DLGAP2: variants seen among roughly 807,000 people sequenced by gnomAD.
The protein encoded by DLGAP2 is disks large-associated protein 2.
In DLGAP2, 26 loss-of-function variants were observed where a neutral mutation model predicts 100.3. The ratio of observed to expected loss-of-function variants is 0.26; its 90% confidence interval spans 0.19 to 0.36. The LOEUF (loss-of-function observed/expected upper bound fraction) is 0.36. DLGAP2 is among the 10% of genes least tolerant of loss of function. The probability of loss-of-function intolerance (pLI) is 1.00; values close to 1 mark genes in which losing one functional copy is unlikely to be tolerated. For missense variants in DLGAP2, 1,858 were observed against 1,453.2 expected (o/e 1.28, Z -4.53); for synonymous variants, 886 against 630.1 (o/e 1.41, Z -6.08).
intron 3 of DLGAP2, among the ~76,000 whole-genome samples, chr8:1,285,929 G>A (rs898230286): frequency 2.6e-5 from 4 of 152,224 alleles, no homozygotes; most frequent in Non-Finnish European, 5.9e-5. Flanking sequence ...CTGCCGTCTA[G>A]TCTGGGCAAC....
intron 1 of DLGAP2, among the ~76,000 whole-genome samples, chr8:807,644 T>C (rs28488448): frequency 2.7e-5 from 4 of 148,192 alleles, no homozygotes; most frequent in East Asian, 2.0e-4. Flanking sequence ...CTCATTCATA[T>C]GTTCTCTCTC....
chr8:1,084,459 C>G (rs1043169521), intron 2 of DLGAP2, among the ~76,000 whole-genome samples: 2 of 152,176 alleles, frequency 1.3e-5, no homozygotes, highest in Non-Finnish European at 1.5e-5. Context: ...ACTCAGCATG[C>G]CGTGCTATTG....
chr8:1,678,427 G>T lies in DLGAP2; in HGVS notation c.2502G>T (p.Arg834=). The change falls in exon 12 of 15, where the codon CGG becomes CGT. Residue 834 remains arginine, a synonymous_variant. Transcript: ENST00000637795. ...QGLFSYREDY[R]TQVDTSTLPP... ...TCTTCAGCTATAGAGAAGACTATCG[G>T]ACCCAAGTGGACACCTCCACCCTGC... 6.2e-7 allele frequency: 1 copy of T among 1,613,624 alleles called. No homozygotes were observed. Among genetic ancestry groups the T allele is most frequent in the South Asian group, 1.1e-5 (1 of 91,056 alleles).
chr8:928,817 C>G (rs1798876877), intron 2 of DLGAP2, among the ~76,000 whole-genome samples: 1 of 151,950 alleles, frequency 6.6e-6, no homozygotes, highest in Admixed American at 6.6e-5. Context: ...TGTTGCGAAG[C>G]CTGATTTCAC....
At chr8:1,335,454 C>T (rs753379468) in intron 3 of DLGAP2, among the ~76,000 whole-genome samples, 4 of 152,186 alleles carry the variant, frequency 2.6e-5, no homozygotes, top group South Asian at 2.1e-4. Flanking sequence ...CAAAACCAAA[C>T]GGGACAGTGT....
At chr8:1,442,706 AG>A (rs1170758401) in intron 3 of DLGAP2, among the ~76,000 whole-genome samples, 2 of 146,300 alleles carry the variant, frequency 1.4e-5, no homozygotes, top group East Asian at 4.1e-4. Flanking sequence ...CCACTGGAGG[AG>A]ACGGATCCGG....
chr8:1,034,823 C>T (rs13281782), intron 2 of DLGAP2, among the ~76,000 whole-genome samples: 378 of 1,254 alleles, frequency 0.3, 22 homozygotes, highest in Non-Finnish European at 0.34. Context: ...CTCATCCCGA[C>T]CCCGCGTGTC....
At chr8:1,515,888 G>A (rs1173631506) in intron 4 of DLGAP2, among the ~76,000 whole-genome samples, 1 of 152,230 alleles carries the variant, frequency 6.6e-6, no homozygotes, top group Non-Finnish European at 1.5e-5. Context: ...CTCACAGAGG[G>A]ATGGGCTTAT....
At chr8:1,697,017 C>A (rs1191090759) in intron 13 of DLGAP2, 130 bp from the exon 14 acceptor site, 26 of 1,006,674 alleles carry the variant, frequency 2.6e-5, no homozygotes, top group Non-Finnish European at 3.4e-5. Flanking sequence ...AAGTATCTGC[C>A]TCAGGCTGGA....
At chr8:1,228,177 T>C (rs1158923524) in intron 2 of DLGAP2, among the ~76,000 whole-genome samples, 6 of 142,006 alleles carry the variant, frequency 4.2e-5, no homozygotes, top group Non-Finnish European at 9.3e-5. Flanking sequence ...TGTATACATA[T>C]GTAACAAACC....
intron 14 of DLGAP2, among the ~76,000 whole-genome samples, chr8:1,697,644 T>C (rs1002388913): frequency 2.6e-5 from 4 of 152,238 alleles, no homozygotes; most frequent in Non-Finnish European, 2.9e-5. Flanking sequence ...GAATTATCTT[T>C]ATCAAACTTG....
chr8:1,112,422 A>G (rs1185571227), intron 2 of DLGAP2, among the ~76,000 whole-genome samples: 1 of 151,820 alleles, frequency 6.6e-6, no homozygotes, highest in Admixed American at 6.6e-5. Flanking sequence ...TTGTATTTTT[A>G]TTAGAGACAT....
chr8:1,522,397 G>T (rs1800636646), intron 4 of DLGAP2, among the ~76,000 whole-genome samples: 1 of 152,196 alleles, frequency 6.6e-6, no homozygotes, highest in Non-Finnish European at 1.5e-5. Context: ...GGGGCCCAGG[G>T]CATCACACCC....
Position 1,345,957 on chromosome 8 carries a change from C to T in DLGAP2, c.106+87074C>T, listed in dbSNP as rs1420569761. 2.6e-5 allele frequency among the ~76,000 whole-genome samples: 4 copies of T among 152,204 alleles called. No individual in the cohort carries two copies. In the East Asian group the frequency reaches 5.8e-4, roughly 22 times the overall value. On this transcript the variant is annotated intron_variant, in intron 3 of 14. Coordinates refer to ENST00000637795, the MANE Select transcript of DLGAP2 (RefSeq NM_001346810.2). ...CACAAGGCAGCGCTTAACTTCCGAG[C>T]CCTTGAGCTGCCCATAGAAACAGGG...
At chr8:1,310,504 C>T (rs10111688) in intron 3 of DLGAP2, among the ~76,000 whole-genome samples, 28,334 of 152,058 alleles carry the variant, frequency 0.19, 2,964 homozygotes, top group South Asian at 0.28. Context: ...TGGACGGACA[C>T]GTACAGAAGC....
At chr8:1,501,194 C>T (rs1422759906) in intron 3 of DLGAP2, among the ~76,000 whole-genome samples, 172 bp from the exon 4 acceptor site, 1 of 152,106 alleles carries the variant, frequency 6.6e-6, no homozygotes, top group South Asian at 2.1e-4. Flanking sequence ...ACTGGTTGTT[C>T]CTGAGGTTAT....
chr8:1,061,580 G>GAGTCTCGCTACTCCCAAGAGCAGC (rs1803083998), intron 2 of DLGAP2, among the ~76,000 whole-genome samples: 1 of 147,946 alleles, frequency 6.8e-6, no homozygotes, highest in Admixed American at 6.7e-5. Flanking sequence ...AGCAGAGCTG[G>GAGTCTCGCTACTCCCAAGAGCAGC]AGTCTCGCTA....
At chr8:1,089,823 G>A (rs1804111836) in intron 2 of DLGAP2, among the ~76,000 whole-genome samples, 2 of 152,184 alleles carry the variant, frequency 1.3e-5, no homozygotes, top group Admixed American at 1.3e-4. Context: ...ATTCCACATT[G>A]TGATCAGACC....
chr8:1,333,167 C>T lies in DLGAP2; in HGVS notation c.106+74284C>T, dbSNP rs559229048. The stretch of plus-strand genomic sequence containing the variant: ...GAGCACAAGGAGAGAGATCAGGGAC[C>T]ATCCAGAAGCCTCCGCAGACTGTCT... On this transcript the variant is annotated intron_variant, in intron 3 of 14. Coordinates refer to ENST00000637795, the MANE Select transcript of DLGAP2 (RefSeq NM_001346810.2). Among the ~76,000 whole-genome samples the T allele has an allele frequency of 1.6e-4, 25 of 152,264 alleles. No homozygotes were observed. The South Asian group carries it at 4.8e-3, about 29-fold the overall frequency.
Sources: gnomAD v4.1 joint callset for allele counts (sites outside exome capture counted in the v4.1 genomes callset) on GRCh38, gnomAD v4.1.1 for gene constraint, MANE v1.5 for transcripts, NCBI Gene and HGNC (gene_info 2026-07-23, HGNC 2026-07-21) for gene names.